The following ZSCAN5A variants were observed in gnomAD, a reference collection of about 807,000 sequenced individuals.
ZSCAN5A encodes the protein zinc finger and SCAN domain-containing protein 5A.
ZSCAN5A carries 12 observed loss-of-function variants against 23.7 expected under a neutral mutation model. The ratio of observed to expected loss-of-function variants is 0.51; its 90% CI spans 0.32 to 0.82. The LOEUF is 0.82. Among genes scored for constraint, ZSCAN5A ranks in the 40% least tolerant of loss-of-function variants. The pLI, the probability that ZSCAN5A is intolerant of heterozygous loss-of-function variation, is 0.03. For synonymous variants in ZSCAN5A, 257 were observed against 239.9 expected (o/e 1.07, Z -0.66); for missense variants, 597 against 617.9 (o/e 0.97, Z 0.36).
chr19:56,284,135 C>T (rs2038925362), intron 2 of ZSCAN5A: 1 of 985,024 alleles, frequency 1.0e-6, no homozygotes, highest in African/African-American at 1.7e-5. Context: ...TTGGGGACAA[C>T]ATTCTGGACC....
intron 2 of ZSCAN5A, among the ~76,000 whole-genome samples, chr19:56,265,251 G>A (rs886857708): frequency 2.6e-5 from 4 of 151,396 alleles, no homozygotes; most frequent in Non-Finnish European, 5.9e-5. Flanking sequence ...ATCCATCCTA[G>A]CACAGGGCAC....
intron 2 of ZSCAN5A, among the ~76,000 whole-genome samples, chr19:56,242,216 T>G (rs1200505921): frequency 1.3e-5 from 2 of 152,164 alleles, no homozygotes; most frequent in African/African-American, 4.8e-5. Context: ...TGTGTCTTTT[T>G]GGGAACAGCC....
chr19:56,280,666 T>C (rs528458698), intron 2 of ZSCAN5A: 11 of 152,252 alleles, frequency 7.2e-5, no homozygotes, highest in African/African-American at 2.4e-4. Context: ...GATTGAGGGG[T>C]TGGCATCTTG....
intron 2 of ZSCAN5A, among the ~76,000 whole-genome samples, chr19:56,278,438 T>C (rs1204265334): frequency 6.6e-6 from 1 of 152,196 alleles, no homozygotes; most frequent in East Asian, 1.9e-4. Flanking sequence ...CCAGCCACAA[T>C]GTGCTATTTT....
At chr19:56,366,526 C>T (rs563696568) in intron 1 of ZSCAN5A, among the ~76,000 whole-genome samples, 2 of 151,900 alleles carry the variant, frequency 1.3e-5, no homozygotes, top group Non-Finnish European at 2.9e-5. Flanking sequence ...GAATTCTTAA[C>T]CTAAGCAAAC....
chr19:56,341,128 T>C (rs1489950741), intron 2 of ZSCAN5A: 2 of 152,170 alleles, frequency 1.3e-5, no homozygotes, highest in Admixed American at 1.3e-4. Flanking sequence ...CAAGTATCAA[T>C]AGCCAAATTG....
chr19:56,293,886 G>A (rs1290627451), intron 2 of ZSCAN5A, among the ~76,000 whole-genome samples: 1 of 152,074 alleles, frequency 6.6e-6, no homozygotes, highest in Non-Finnish European at 1.5e-5. Context: ...AATGTCACTC[G>A]TCTGGAGGTT....
chr19:56,259,988 T>TA (rs2037002589), intron 2 of ZSCAN5A, among the ~76,000 whole-genome samples: 1 of 151,834 alleles, frequency 6.6e-6, no homozygotes, highest in African/African-American at 2.4e-5. Context: ...AAATAAAAAT[T>TA]AAAAAATTGT....
intron 2 of ZSCAN5A, among the ~76,000 whole-genome samples, chr19:56,361,617 A>C (rs1332218956): frequency 6.6e-6 from 1 of 152,192 alleles, no homozygotes; most frequent in Non-Finnish European, 1.5e-5. Context: ...AGGAAATCAA[A>C]CACTGCATGT....
chr19:56,247,371 C>A, intron 2 of ZSCAN5A: 1 of 220,270 alleles, frequency 4.5e-6, no homozygotes, highest in South Asian at 7.8e-5. Flanking sequence ...AGCACAAGCT[C>A]ATCCACTCCG....
intron 2 of ZSCAN5A, among the ~76,000 whole-genome samples, chr19:56,334,600 G>A (rs928768891): frequency 6.6e-6 from 1 of 152,008 alleles, no homozygotes; most frequent in African/African-American, 2.4e-5. Context: ...TATTTTTTGT[G>A]TTACAAACAC....
intron 2 of ZSCAN5A, among the ~76,000 whole-genome samples, chr19:56,251,178 A>T (rs1600097268): frequency 6.7e-6 from 1 of 149,462 alleles, no homozygotes; most frequent in Non-Finnish European, 1.5e-5. Context: ...ACCACTGATG[A>T]CCCTTGTGAC....
chr19:56,251,148 T>TC (rs1555797367), intron 2 of ZSCAN5A, among the ~76,000 whole-genome samples: 1 of 131,050 alleles, frequency 7.6e-6, no homozygotes, highest in African/African-American at 2.9e-5. Context: ...AGACTCCGTG[T>TC]AAAAAAAAAA....
At chr19:56,312,705 T>C (rs2041115682) in intron 2 of ZSCAN5A, among the ~76,000 whole-genome samples, 1 of 152,246 alleles carries the variant, frequency 6.6e-6, no homozygotes. Flanking sequence ...TACATGAGAA[T>C]GCTCTGTACT....
At chr19:56,228,315 C>T (rs1600002726) in intron 2 of ZSCAN5A, 2 of 985,408 alleles carry the variant, frequency 2.0e-6, no homozygotes, top group Non-Finnish European at 2.4e-6. Flanking sequence ...CGGCCTGGAG[C>T]TGAACTGCGT....
intron 2 of ZSCAN5A, among the ~76,000 whole-genome samples, chr19:56,277,954 T>C (rs1311155468): frequency 1.3e-5 from 2 of 152,126 alleles, no homozygotes; most frequent in Admixed American, 6.5e-5. Flanking sequence ...CTGACATAAA[T>C]AAAATGTTTT....
At chr19:56,283,375 G>A (rs1173830559) in intron 2 of ZSCAN5A, 1 of 152,070 alleles carries the variant, frequency 6.6e-6, no homozygotes, top group African/African-American at 2.4e-5. Flanking sequence ...TATTGACACA[G>A]ATCCAAACAG....
intron 2 of ZSCAN5A, among the ~76,000 whole-genome samples, chr19:56,287,205 T>C (rs1018733726): frequency 5.3e-5 from 8 of 152,230 alleles, no homozygotes; most frequent in Non-Finnish European, 8.8e-5. Context: ...AACCTGGAAG[T>C]AGAACTCTCC....
At chr19:56,282,570 G>C (rs1019605140) in intron 2 of ZSCAN5A, 69 of 923,852 alleles carry the variant, frequency 7.5e-5, no homozygotes, top group Non-Finnish European at 8.3e-5. Context: ...CATTGCTGCT[G>C]AACTTCGACT....
Sources: allele counts gnomAD v4.1 joint callset (sites outside exome capture counted in the v4.1 genomes callset), GRCh38; gene constraint gnomAD v4.1.1; transcripts MANE v1.5; gene names NCBI Gene and HGNC (gene_info 2026-07-23, HGNC 2026-07-21).